Variants in ATP11C observed in about 807,000 individuals in gnomAD.
ATP11C encodes ATPase phospholipid transporting 11C (ATP11C blood group).
A neutral mutation model predicts 97.4 loss-of-function variants in ATP11C; 36 were observed. The ratio of observed to expected loss-of-function variants is 0.37; its 90% CI spans 0.28 to 0.49. The LOEUF is 0.49. ATP11C is among the 20% of genes least tolerant of loss of function. ATP11C has a pLI of 0.98. For synonymous variants in ATP11C, 275 were observed against 290.9 expected, an observed-to-expected ratio of 0.95 and a Z score of 0.56; for missense variants, 730 against 824.6, an observed-to-expected ratio of 0.89 and a Z score of 1.40.
intron 26 of ATP11C, among the ~76,000 whole-genome samples, chrX:139,741,589 T>C (rs976764033): frequency 4.5e-5 from 5 of 110,732 alleles, no homozygotes; most frequent in Non-Finnish European, 7.6e-5. Context: ...CAGACGGGAG[T>C]CACTAAATGC....
At chrX:139,931,993 G>T in intron 1 of ATP11C, 23 bp downstream of exon 1, 2 of 1,157,756 alleles carry the variant, frequency 1.7e-6, no homozygotes, top group Non-Finnish European at 2.3e-6. Flanking sequence ...CGGCACGCGC[G>T]GAGCCGCAGC....
At chrX:139,833,716 C>T (rs1603395531) in intron 1 of ATP11C, among the ~76,000 whole-genome samples, 5 of 110,717 alleles carry the variant, frequency 4.5e-5, no homozygotes, top group Admixed American at 3.9e-4. Flanking sequence ...ATTCTTCCTA[C>T]AGGGAAGGCT....
chrX:139,907,470 C>T (rs141189031), intron 1 of ATP11C, among the ~76,000 whole-genome samples: 1,516 of 111,485 alleles, frequency 0.014, 20 homozygotes, highest in African/African-American at 0.045. Flanking sequence ...AGCTGCTGGC[C>T]GGGCACGGTG....
chrX:139,892,997 G>A (rs746023472), intron 1 of ATP11C, among the ~76,000 whole-genome samples: 1 of 111,877 alleles, frequency 8.9e-6, no homozygotes, highest in Non-Finnish European at 1.9e-5. Context: ...GAAAGGAGAA[G>A]AGGAATATGG....
chrX:139,820,370 C>G (rs1418142256), intron 2 of ATP11C, among the ~76,000 whole-genome samples: 1 of 110,331 alleles, frequency 9.1e-6, no homozygotes, highest in Non-Finnish European at 1.9e-5. Context: ...CACTGCACTC[C>G]AGCCTGGGCG....
chrX:139,786,712 G>A (rs1339562325), intron 15 of ATP11C, among the ~76,000 whole-genome samples: 1 of 112,453 alleles, frequency 8.9e-6, no homozygotes, highest in Non-Finnish European at 1.9e-5. Context: ...GAAGACACTG[G>A]AGCATCAGAG....
At chrX:139,761,417 A>G (rs769741352) in intron 22 of ATP11C, among the ~76,000 whole-genome samples, 1 of 112,369 alleles carries the variant, frequency 8.9e-6, no homozygotes, top group African/African-American at 3.2e-5. Context: ...GCAAGGTCAC[A>G]TATCAAAGTG....
intron 1 of ATP11C, among the ~76,000 whole-genome samples, chrX:139,845,416 T>G (rs976727831): frequency 2.7e-5 from 3 of 112,295 alleles, no homozygotes; most frequent in African/African-American, 9.7e-5. Context: ...TAAAGCAATT[T>G]ATTTTTATCA....
At chrX:139,785,905 G>A (rs1396690315) in intron 15 of ATP11C, among the ~76,000 whole-genome samples, 1 of 111,536 alleles carries the variant, frequency 9.0e-6, no homozygotes, top group Non-Finnish European at 1.9e-5. Flanking sequence ...GGGGGCCATG[G>A]CATTCTGAGT....
intron 5 of ATP11C, among the ~76,000 whole-genome samples, chrX:139,806,087 CAAAG>C (rs2083036211): frequency 9.0e-6 from 1 of 111,397 alleles, no homozygotes; most frequent in Admixed American, 9.6e-5. Context: ...ATAAAACACA[CAAAG>C]AGAGCATTTT....
intron 1 of ATP11C, among the ~76,000 whole-genome samples, chrX:139,890,189 TA>T (rs1207124525): frequency 9.0e-6 from 1 of 110,551 alleles, no homozygotes; most frequent in African/African-American, 3.3e-5. Flanking sequence ...GCTTATCCAG[TA>T]GTGGATAAGC....
intron 23 of ATP11C, among the ~76,000 whole-genome samples, chrX:139,754,457 A>G (rs2081889356): frequency 9.7e-6 from 1 of 102,802 alleles, no homozygotes; most frequent in South Asian, 3.8e-4. Context: ...AAAAAAATTG[A>G]GAAGGAGGGA....
intron 1 of ATP11C, among the ~76,000 whole-genome samples, chrX:139,920,214 G>C (rs901720282): frequency 9.2e-6 from 1 of 109,219 alleles, no homozygotes; most frequent in Non-Finnish European, 1.9e-5. Context: ...AAAATTAGTC[G>C]AGTGTGGTGG....
chrX:139,806,181 T>C (rs1352003180), intron 5 of ATP11C, among the ~76,000 whole-genome samples: 1 of 111,378 alleles, frequency 9.0e-6, no homozygotes, highest in Non-Finnish European at 1.9e-5. Flanking sequence ...ACAAGATGGG[T>C]ATGAGTCAGA....
intron 2 of ATP11C, among the ~76,000 whole-genome samples, chrX:139,822,724 T>C (rs922989361): frequency 1.0e-4 from 11 of 108,832 alleles, no homozygotes; most frequent in Non-Finnish European, 1.9e-4. Flanking sequence ...AATTTTTGTA[T>C]TTTTTGTAGA....
At chrX:139,823,125 G>A (rs893877234) in intron 2 of ATP11C, among the ~76,000 whole-genome samples, 3 of 111,007 alleles carry the variant, frequency 2.7e-5, no homozygotes, top group African/African-American at 9.8e-5. Context: ...CAGGAGAATC[G>A]CTTGAACCCA....
At chrX:139,780,062 A>G (rs2082419709) in intron 18 of ATP11C, among the ~76,000 whole-genome samples, 1 of 111,589 alleles carries the variant, frequency 9.0e-6, no homozygotes, top group African/African-American at 3.3e-5. Flanking sequence ...TAACGAATCT[A>G]CTAATCAAAA....
At chrX:139,918,278 A>AAT (rs1334029937) in intron 1 of ATP11C, among the ~76,000 whole-genome samples, 3 of 111,546 alleles carry the variant, frequency 2.7e-5, no homozygotes, top group South Asian at 3.7e-4. Context: ...GTATAAACAA[A>AAT]ATATATATAT....
At chrX:139,821,054 A>G (rs2083398931) in intron 2 of ATP11C, among the ~76,000 whole-genome samples, 1 of 111,092 alleles carries the variant, frequency 9.0e-6, no homozygotes, top group Non-Finnish European at 1.9e-5. Context: ...GTAGAGCACG[A>G]CATACTATAT....
Sources: allele counts gnomAD v4.1 joint callset (sites outside exome capture counted in the v4.1 genomes callset), GRCh38; gene constraint gnomAD v4.1.1; transcripts MANE v1.5; gene names NCBI Gene and HGNC (gene_info 2026-07-23, HGNC 2026-07-21).